BABAM2: variants seen among roughly 807,000 people sequenced by gnomAD.
The protein encoded by BABAM2 is BRISC and BRCA1 A complex member 2.
A neutral mutation model predicts 54.7 loss-of-function variants in BABAM2; 31 were observed. The ratio of observed to expected loss-of-function variants is 0.57; its 90% CI spans 0.43 to 0.77. The LOEUF (loss-of-function observed/expected upper bound fraction) is 0.77, where lower values mean the gene tolerates loss of function less well. BABAM2 is among the 30% of genes least tolerant of loss of function. The pLI is 0.00. For missense variants in BABAM2, 364 were observed against 455.8 expected, an observed-to-expected ratio of 0.80 and a Z score of 1.83; for synonymous variants, 167 against 162.9, an observed-to-expected ratio of 1.03 and a Z score of -0.19.
intron 4 of BABAM2, among the ~76,000 whole-genome samples, chr2:28,002,940 G>A (rs550938437): frequency 7.2e-5 from 11 of 152,240 alleles, no homozygotes; most frequent in Admixed American, 5.9e-4. Flanking sequence ...ATAGAGATGC[G>A]GAAAGGAGTA....
chr2:27,973,177 G>A (rs1671350559), intron 3 of BABAM2, among the ~76,000 whole-genome samples: 3 of 152,040 alleles, frequency 2.0e-5, no homozygotes, highest in Admixed American at 6.6e-5. Flanking sequence ...ATACATATAG[G>A]AACTGCTTGA....
intron 7 of BABAM2, among the ~76,000 whole-genome samples, chr2:28,184,312 C>T (rs963757738): frequency 7.8e-5 from 11 of 141,398 alleles, no homozygotes; most frequent in African/African-American, 2.8e-4. Context: ...CCCTCTCTCT[C>T]TCTGTCTCTC....
chr2:28,294,472 G>A lies in BABAM2; in HGVS notation c.935-3866G>A, dbSNP rs146519792. On this transcript the variant is annotated intron_variant, in intron 10 of 11. Coordinates refer to ENST00000379624, the MANE Select transcript of BABAM2 (RefSeq NM_199191.3). ...AGCCCCAAATCCTTGGAATCTGGGCGGTTCCTTCAGAGCAAGTTAGCTGTT... is the reference window on the plus strand; with the variant it reads ...AGCCCCAAATCCTTGGAATCTGGGCAGTTCCTTCAGAGCAAGTTAGCTGTT... 2.0e-3 allele frequency among the ~76,000 whole-genome samples: 307 copies of A among 152,138 alleles called. 2 individuals are homozygous for A. The highest frequency in any genetic ancestry group is 7.0e-3 in the African/African-American group (292 of 41,502).
At chr2:28,155,148 A>G (rs963685025) in intron 7 of BABAM2, among the ~76,000 whole-genome samples, 3 of 152,226 alleles carry the variant, frequency 2.0e-5, no homozygotes, top group Admixed American at 6.5e-5. Context: ...AAATTAAAAG[A>G]TAAAGAAAAA....
chr2:28,047,327 T>C (rs1402524014), intron 6 of BABAM2, among the ~76,000 whole-genome samples: 1 of 152,218 alleles, frequency 6.6e-6, no homozygotes, highest in East Asian at 1.9e-4. Context: ...CCTTATAGCA[T>C]ATACTCAGGA....
At chr2:28,109,747 A>G (rs2148723450) in intron 6 of BABAM2, among the ~76,000 whole-genome samples, 1 of 152,288 alleles carries the variant, frequency 6.6e-6, no homozygotes, top group South Asian at 2.1e-4. Flanking sequence ...GACCAGTATG[A>G]AAAGTATTTG....
intron 4 of BABAM2, among the ~76,000 whole-genome samples, chr2:27,992,299 A>G (rs1233515404): frequency 6.6e-6 from 1 of 152,194 alleles, no homozygotes; most frequent in Non-Finnish European, 1.5e-5. Context: ...AAAGAGTCAC[A>G]TCCATTAGTA....
intron 6 of BABAM2, among the ~76,000 whole-genome samples, chr2:28,051,802 C>G (rs1373352087): frequency 1.3e-5 from 2 of 152,070 alleles, no homozygotes; most frequent in African/African-American, 2.4e-5. Flanking sequence ...GCTCCTGCCA[C>G]CAGGCCTGGC....
chr2:28,338,756 G>C lies in BABAM2; in HGVS notation c.*243G>C. 1 of 453,562 alleles carries C rather than the reference G, an allele frequency of 2.2e-6. No homozygotes were observed. Among genetic ancestry groups the C allele is most frequent in the Non-Finnish European group, 4.0e-6 (1 of 251,966 alleles). 28.1% of individuals were successfully genotyped at this position (453,562 alleles called of 1,614,324 possible). A position where few individuals can be genotyped will look rare whatever the true frequency, so the allele number is the denominator to read the frequency against. The stretch of plus-strand genomic sequence containing the variant: ...CTTTCTTGCCTCTATTTCTTAGTTG[G>C]AAGAAATAAACTCACAAATTATGGT... On this transcript the variant is annotated 3_prime_UTR_variant, in exon 12 of 12. Coordinates refer to ENST00000379624, the MANE Select transcript of BABAM2 (RefSeq NM_199191.3).
At chr2:28,156,260 C>T (rs1672533158) in intron 7 of BABAM2, among the ~76,000 whole-genome samples, 1 of 152,150 alleles carries the variant, frequency 6.6e-6, no homozygotes, top group Non-Finnish European at 1.5e-5. Flanking sequence ...TCTTAGCACC[C>T]TTCTACCAGA....
chr2:28,333,551 C>CA (rs2148338744), intron 11 of BABAM2, among the ~76,000 whole-genome samples: 1 of 152,360 alleles, frequency 6.6e-6, no homozygotes, highest in Non-Finnish European at 1.5e-5. Flanking sequence ...GAAACCTACC[C>CA]AGTCCTTACG....
At chr2:27,891,594 C>T (rs1364288463) in intron 1 of BABAM2, among the ~76,000 whole-genome samples, 2 of 151,952 alleles carry the variant, frequency 1.3e-5, no homozygotes, top group African/African-American at 4.8e-5. Flanking sequence ...AGAGTTACTA[C>T]CGGTGGTGAC....
chr2:28,213,923 AT>A (rs1679697293), intron 7 of BABAM2, among the ~76,000 whole-genome samples: 1 of 147,478 alleles, frequency 6.8e-6, no homozygotes, highest in African/African-American at 2.5e-5. Flanking sequence ...GAGAAGATCC[AT>A]TACTAGAACT....
chr2:28,170,094 AAAAATT>A (rs1471837258), intron 7 of BABAM2, among the ~76,000 whole-genome samples: 1 of 152,132 alleles, frequency 6.6e-6, no homozygotes, highest in African/African-American at 2.4e-5. Context: ...GATTAACAGA[AAAAATT>A]AAAATTAAAA....
At chr2:28,316,865 GA>G (rs1689601690) in intron 11 of BABAM2, among the ~76,000 whole-genome samples, 1 of 152,182 alleles carries the variant, frequency 6.6e-6, no homozygotes. Flanking sequence ...CTTCACTTTA[GA>G]AATGAAACAA....
At chr2:28,311,145 C>T (rs960181307) in intron 11 of BABAM2, among the ~76,000 whole-genome samples, 7 of 151,448 alleles carry the variant, frequency 4.6e-5, no homozygotes, top group Non-Finnish European at 7.4e-5. Context: ...CCTGTAGTCC[C>T]AGGTACTTGG....
intron 11 of BABAM2, among the ~76,000 whole-genome samples, chr2:28,320,971 C>G (rs1689977446): frequency 6.6e-6 from 1 of 152,158 alleles, no homozygotes; most frequent in African/African-American, 2.4e-5. Flanking sequence ...TAAGAAGTAT[C>G]AAGTTAGTTA....
intron 6 of BABAM2, among the ~76,000 whole-genome samples, chr2:28,110,478 G>A (rs1253826511): frequency 3.3e-5 from 5 of 151,998 alleles, no homozygotes; most frequent in Admixed American, 6.6e-5. Flanking sequence ...GCAAAAATTA[G>A]CCAGGCATGG....
intron 3 of BABAM2, 191 bp downstream of exon 3, chr2:27,930,099 T>C (rs2148351493): frequency 1.8e-6 from 1 of 541,284 alleles, no homozygotes. Context: ...GGGAATACGT[T>C]GTGGTTAAAT....
Sources: allele counts gnomAD v4.1 joint callset (sites outside exome capture counted in the v4.1 genomes callset), GRCh38; gene constraint gnomAD v4.1.1; transcripts MANE v1.5; gene names NCBI Gene and HGNC (gene_info 2026-07-23, HGNC 2026-07-21).